ARMC5: variants seen among roughly 807,000 people sequenced by gnomAD.
The protein encoded by ARMC5 is armadillo repeat containing 5, also known as armadillo repeat-containing protein 5.
A neutral mutation model predicts 60.5 loss-of-function variants in ARMC5; 28 were observed. The observed-to-expected ratio is 0.46, with a 90% confidence interval of 0.34 to 0.63. The LOEUF (loss-of-function observed/expected upper bound fraction) is 0.63, where lower values mean the gene tolerates loss of function less well. Ranked by LOEUF, ARMC5 falls within the 30% of genes least tolerant of loss-of-function variation. ARMC5 has a pLI of 0.01. For missense variants in ARMC5, 1,189 were observed against 1,304.9 expected, an observed-to-expected ratio of 0.91 and a Z score of 1.37; for synonymous variants, 680 against 607.3, an observed-to-expected ratio of 1.12 and a Z score of -1.76.
chr16:31,459,768 T>A lies in ARMC5; in HGVS notation c.244T>A (p.Ser82Thr), dbSNP rs1188833591. ...ALLRRAAAAG[S>T]APSQAGPGSA... ...GCTACGGCGAGCGGCTGCAGCGGGT[T>A]CCGCCCCGTCCCAGGCAGGCCCCGG... Residue 82 changes from serine (S) to threonine (T), a missense_variant, in exon 1 of 6, where the codon TCC becomes ACC. Ser to Thr is a moderately conservative substitution (Grantham distance 58). This residue lies in a region of ARMC5 where 327 missense variants were observed against 233.7 expected (regional missense o/e 1.40). Transcript: ENST00000268314. The A allele has an allele frequency of 1.9e-6, 3 of 1,538,930 alleles. No individual in the cohort carries two copies. In the South Asian group the frequency reaches 3.5e-5, roughly 18 times the overall value.
At chr16:31,465,526 C>T in intron 4 of ARMC5, 1 of 886,266 alleles carries the variant, frequency 1.1e-6, no homozygotes. Flanking sequence ...TCATATATCT[C>T]TAAGATCTAT....
intron 1 of ARMC5, among the ~76,000 whole-genome samples, chr16:31,460,691 TGAATA>T (rs1363446658): frequency 3.3e-5 from 5 of 152,182 alleles, no homozygotes; most frequent in Non-Finnish European, 7.3e-5. Flanking sequence ...TGACTGCCTG[TGAATA>T]GCCACTGCAT....
chr16:31,459,198 T>A, upstream of ARMC5: 1 of 1,530,706 alleles, frequency 6.5e-7, no homozygotes, highest in Non-Finnish European at 8.7e-7. Flanking sequence ...GTGGTCGGAC[T>A]TCTGGGCTGT....
Position 31,462,233 on chromosome 16 carries a change from A to T in ARMC5, c.686A>T (p.His229Leu). Residue 229 changes from histidine to leucine, a missense_variant, in exon 3 of 6, where the codon CAC becomes CTC. Transcript: ENST00000268314. The surrounding 1 kb of genome is among the most constrained non-coding windows in gnomAD (Gnocchi z 7.2). ...ALRNLADSPQ[H>L]RLALAQQGAV... ...CGTAACCTGGCAGACTCACCCCAGC[A>T]CCGCCTGGCCTTGGCACAGCAGGGA... 2.5e-6 allele frequency: 4 copies of T among 1,610,274 alleles called. No homozygotes were observed. The highest frequency in any genetic ancestry group is 2.5e-6 in the Non-Finnish European group (3 of 1,179,976).
rs1256444626 is a variant in ARMC5, at chr16:31,464,871, C to T, written c.1848C>T (p.Ser616=). ...CACGTGCCCGGCCCACTCTCCACAG[C>T]CGGCACCGAGAGCTGGGTGAGTTCC... The part of the protein sequence containing the change: ...PAPRARPTLH[S]RHRELGERLL... Residue 616 remains serine (S), a synonymous_variant, in exon 4 of 6, where the codon AGC becomes AGT. Transcript: ENST00000268314. The surrounding 1 kb of genome is among the most constrained non-coding windows in gnomAD (Gnocchi z 7.6). 1.9e-6 allele frequency: 3 copies of T among 1,601,682 alleles called. No homozygotes were observed. The highest frequency in any genetic ancestry group is 2.5e-6 in the Non-Finnish European group (3 of 1,179,256).
intron 4 of ARMC5, chr16:31,465,457 G>A (rs2082348192): frequency 1.4e-5 from 13 of 931,256 alleles, no homozygotes; most frequent in East Asian, 3.0e-5. Flanking sequence ...ATTATAGAGC[G>A]AGGATTATTA....
chr16:31,461,763 C>A (rs1156533972), intron 1 of ARMC5, among the ~76,000 whole-genome samples, 159 bp from the exon 2 acceptor site: 1 of 152,188 alleles, frequency 6.6e-6, no homozygotes, highest in Non-Finnish European at 1.5e-5. Context: ...CCACCTTGGT[C>A]CCCCAAAGTG....
At chr16:31,459,234 G>A (rs962934730), upstream of ARMC5, 3 of 1,532,694 alleles carry the variant, frequency 2.0e-6, no homozygotes, top group East Asian at 4.9e-5. Context: ...CACCTGGAGG[G>A]CCCTGGAAGA....
chr16:31,461,061 A>C (rs2033627397), intron 1 of ARMC5, among the ~76,000 whole-genome samples: 1 of 152,208 alleles, frequency 6.6e-6, no homozygotes, highest in South Asian at 2.1e-4. Flanking sequence ...TCATTCAGCT[A>C]CTATTTTTCA....
rs779697865 is a variant in ARMC5 at position 31,459,932 on chromosome 16, A to C, written c.408A>C (p.Leu136=). The change falls in exon 1 of 6, where the codon CTA becomes CTC. Residue 136 remains leucine, a synonymous_variant. Transcript: ENST00000268314. ...RKTLDLALSI[L]ADCCTEGACR... The stretch of plus-strand genomic sequence containing the variant: ...CGCTGGACTTGGCGCTCAGCATCCT[A>C]GCCGATTGCTGTACGGAAGGGGCGT... The C allele has an allele frequency of 2.5e-6, 4 of 1,605,244 alleles. No individual in the cohort carries two copies. The African/African-American group carries it at 4.0e-5, about 16-fold the overall frequency.
At chr16:31,458,312 G>C, upstream of ARMC5, 5 of 1,251,426 alleles carry the variant, frequency 4.0e-6, no homozygotes, top group Non-Finnish European at 5.6e-6. Context: ...AAGGCTTTTA[G>C]CGGTGTGAGC....
intron 3 of ARMC5, among the ~76,000 whole-genome samples, chr16:31,463,714 G>A (rs913388260): frequency 2.0e-5 from 3 of 151,938 alleles, no homozygotes; most frequent in Non-Finnish European, 2.9e-5. Flanking sequence ...AGCCCCCAGC[G>A]CTTCCTATTT....
In ARMC5 at chr16:31,464,614, C is replaced by A. The variant is rs775560924; in HGVS notation, c.1591C>A (p.Arg531Ser). Residue 531 changes from arginine (R) to serine (S), a missense_variant, in exon 4 of 6, where the codon CGC becomes AGC. Arg to Ser is a moderately radical substitution (Grantham distance 110, BLOSUM62 -1). Coordinates refer to ENST00000268314, the MANE Select transcript of ARMC5 (RefSeq NM_001105247.2). This position sits in a 1 kb window ranked among gnomAD's most constrained non-coding sequence, Gnocchi z 7.6. ...REGPALLLLS[R>S]FSQAPDPSGA... is the part of the protein sequence containing the mutation. ...AGGGCCAGCCCTGCTGCTGCTGTCG[C>A]GCTTTTCCCAGGCCCCTGACCCAAG... The A allele has an allele frequency of 6.3e-7, 1 of 1,594,780 alleles. No individual in the cohort carries two copies. The highest frequency in any genetic ancestry group is 8.5e-7 in the Non-Finnish European group (1 of 1,176,668).
In ARMC5 at chr16:31,459,810, GCCGCGTCGGGAGCTTCTAGCCCCGCCC is replaced by G. The variant is rs745352803; in HGVS notation, c.297_323del (p.Ala100_Gly108del). ...AGGCCCCGGCTCCGCCCCCTCGTCG[GCCGCGTCGGGAGCTTCTAGCCCCGCCC>G]CCGCGTCGGGCCCCGCCCCCTCCGC... On this transcript the variant is annotated inframe_deletion, in exon 1 of 6. Coordinates refer to ENST00000268314, the MANE Select transcript of ARMC5 (RefSeq NM_001105247.2). 16 of 1,542,128 alleles carry G rather than the reference GCCGCGTCGGGAGCTTCTAGCCCCGCCC, an allele frequency of 1.0e-5. No individual in the cohort carries two copies. In the South Asian group the frequency reaches 1.3e-4, roughly 12 times the overall value.
At position 31,462,844 on chromosome 16, in the gene ARMC5, G is replaced by A. The variant is rs753802749; in HGVS notation, c.1297G>A (p.Glu433Lys). 6.2e-7 allele frequency: 1 copy of A among 1,613,894 alleles called. No individual in the cohort carries two copies. ...EAGEEEEEGREAASWDFPEER... is the reference protein window; with the variant it reads ...EAGEEEEEGRKAASWDFPEER... ...TGGTGAGGAGGAAGAAGAGGGAAGA[G>A]AAGCTGCTTCCTGGGACTTTCCTGA... The change falls in exon 3 of 6, where the codon GAA becomes AAA. Residue 433 changes from glutamate (E) to lysine (K), a missense_variant. Glu to Lys is a moderately conservative substitution (Grantham distance 56, BLOSUM62 1). Transcript: ENST00000268314. This position sits in a 1 kb window ranked among gnomAD's most constrained non-coding sequence, Gnocchi z 7.2.
intron 1 of ARMC5, chr16:31,460,375 C>G (rs914284987): frequency 9.6e-5 from 19 of 197,950 alleles, no homozygotes; most frequent in Non-Finnish European, 1.6e-4. Flanking sequence ...GGTTCTGAAG[C>G]CCCACTGATG....
upstream of ARMC5, chr16:31,458,396 G>A (rs1400040086): frequency 6.5e-7 from 1 of 1,535,476 alleles, no homozygotes; most frequent in Non-Finnish European, 8.7e-7. Context: ...GGGCCGAAGC[G>A]ATGGTCACAC....
intron 1 of ARMC5, among the ~76,000 whole-genome samples, chr16:31,460,537 A>C (rs8056200): frequency 0.045 from 6,842 of 152,306 alleles, 531 homozygotes; most frequent in African/African-American, 0.16. Flanking sequence ...CGAATATGCA[A>C]ATATTCTAAG....
intron 3 of ARMC5, among the ~76,000 whole-genome samples, chr16:31,463,447 C>T (rs2082322429): frequency 6.6e-6 from 1 of 152,146 alleles, no homozygotes; most frequent in Non-Finnish European, 1.5e-5. Flanking sequence ...GAACTTTGGG[C>T]CCCAGACAAG....
Sources: gnomAD v4.1 joint callset for allele counts (sites outside exome capture counted in the v4.1 genomes callset) on GRCh38, gnomAD v4.1.1 for gene constraint, gnomAD v4.1.1 regional missense constraint, Gnocchi (gnomAD v3.1) non-coding constraint, MANE v1.5 for transcripts, NCBI Gene and HGNC (gene_info 2026-07-23, HGNC 2026-07-21) for gene names.